Variants in MMD2 observed in about 807,000 individuals in gnomAD.
The protein encoded by MMD2 is monocyte to macrophage differentiation associated 2, also known as monocyte to macrophage differentiation factor 2.
In MMD2, 30 loss-of-function variants were observed where a neutral mutation model predicts 33.5. The observed-to-expected ratio is 0.90, with a 90% CI of 0.67 to 1.22. The LOEUF (loss-of-function observed/expected upper bound fraction) is 1.22, where lower values mean the gene tolerates loss of function less well. Among genes scored for constraint, MMD2 ranks in the 50% most tolerant of loss-of-function variants. The pLI is 0.00. For missense variants in MMD2, 364 were observed against 325.4 expected (o/e 1.12, Z -0.91); for synonymous variants, 129 against 123.0 (o/e 1.05, Z -0.32).
chr7:4,929,725 A>G (rs896966771), intron 1 of MMD2, among the ~76,000 whole-genome samples: 2 of 151,864 alleles, frequency 1.3e-5, no homozygotes, highest in African/African-American at 4.8e-5. Context: ...GGTTTTCACT[A>G]TGTTGGCCAG....
At chr7:4,905,524 G>C (rs1784851498), downstream of MMD2, among the ~76,000 whole-genome samples, 1 of 151,930 alleles carries the variant, frequency 6.6e-6, no homozygotes, top group Non-Finnish European at 1.5e-5. This position sits in a 1 kb window ranked among gnomAD's most constrained non-coding sequence, Gnocchi z 5.0. Context: ...AAGGAAGAAG[G>C]AGTAGTCCCA....
At chr7:4,955,132 C>T (rs2965038) in intron 1 of MMD2, among the ~76,000 whole-genome samples, 109,021 of 152,168 alleles carry the variant, frequency 0.72, 39,391 homozygotes, top group East Asian at 0.89. Flanking sequence ...GCTGGGATTA[C>T]GGGCACGTGC....
rs889304636 is a variant in MMD2, at chr7:4,946,072, C to T, written c.47+12899G>A. On this transcript the variant is annotated intron_variant, in intron 1 of 6. Coordinates refer to ENST00000401401, the MANE Select transcript of MMD2 (RefSeq NM_198403.4). This position sits in a 1 kb window ranked among gnomAD's most constrained non-coding sequence, Gnocchi z 5.0. ...CTCTGGGGCAAAATGCACACACTCA[C>T]ACGCACGCACACGCACGCACACACA... is the stretch of plus-strand genomic sequence containing the variant. Among the ~76,000 whole-genome samples the T allele has an allele frequency of 2.0e-5, 3 of 151,908 alleles. No homozygotes were observed. Among genetic ancestry groups the T allele is most frequent in the African/African-American group, 7.3e-5 (3 of 41,294 alleles).
chr7:4,927,562 C>A (rs990240809), intron 1 of MMD2, among the ~76,000 whole-genome samples: 6 of 151,712 alleles, frequency 4.0e-5, no homozygotes, highest in African/African-American at 1.5e-4. Context: ...TATATATTAG[C>A]CAGGCGTGGT....
chr7:4,921,008 T>C (rs1785269486), intron 2 of MMD2, among the ~76,000 whole-genome samples: 1 of 152,250 alleles, frequency 6.6e-6, no homozygotes, highest in Non-Finnish European at 1.5e-5. Context: ...TGAGCCACCA[T>C]GCCCAGCCTC....
chr7:4,947,011 C>T (rs1282168191), intron 1 of MMD2, among the ~76,000 whole-genome samples: 1 of 152,072 alleles, frequency 6.6e-6, no homozygotes, highest in Admixed American at 6.6e-5. Flanking sequence ...AGTTCAAGAC[C>T]AACGTGGCCA....
chr7:4,926,483 G>A (rs1479700247), intron 1 of MMD2, among the ~76,000 whole-genome samples: 1 of 152,002 alleles, frequency 6.6e-6, no homozygotes, highest in East Asian at 1.9e-4. Context: ...CAGATGCGTA[G>A]ACCCACTAAA....
chr7:4,958,867 T>C (rs1374762609), intron 1 of MMD2, 104 bp downstream of exon 1: 2 of 1,042,424 alleles, frequency 1.9e-6, no homozygotes, highest in Admixed American at 4.3e-5. Context: ...CGATCCCCTC[T>C]AGCGCTCCGG....
chr7:4,905,485 G>A (rs1784850940), downstream of MMD2, among the ~76,000 whole-genome samples: 4 of 149,584 alleles, frequency 2.7e-5, no homozygotes, highest in South Asian at 6.4e-4. The surrounding 1 kb of genome is among the most constrained non-coding windows in gnomAD (Gnocchi z 5.0). Flanking sequence ...AGGGAGGGAA[G>A]GAGTAAGAGG....
At chr7:4,958,133 C>T (rs1353639895) in intron 1 of MMD2, among the ~76,000 whole-genome samples, 1 of 152,192 alleles carries the variant, frequency 6.6e-6, no homozygotes, top group African/African-American at 2.4e-5. Flanking sequence ...CCTGGTGCCC[C>T]CTCCAAAGAG....
intron 1 of MMD2, among the ~76,000 whole-genome samples, chr7:4,934,554 G>C (rs1212318340): frequency 6.6e-6 from 1 of 152,196 alleles, no homozygotes; most frequent in Non-Finnish European, 1.5e-5. Flanking sequence ...CTAAAGGAGG[G>C]AAGTGGCCTT....
At chr7:4,893,625 C>T in the MMD2 span, among the ~76,000 whole-genome samples, 1 of 151,858 alleles carries the variant, frequency 6.6e-6, no homozygotes, top group South Asian at 2.1e-4. Flanking sequence ...CTCCTGACCT[C>T]AGGTGATGTG....
rs1216647644 is a variant in MMD2 at position 4,958,840 on chromosome 7, G to A, written c.47+131C>T. 3.9e-6 allele frequency: 3 copies of A among 764,596 alleles called. No individual in the cohort carries two copies. In the African/African-American group the frequency reaches 5.4e-5, roughly 14 times the overall value. The allele number at this position is 764,596 out of a possible 1,614,324, so 47.4% of individuals were successfully genotyped here. ...TGCCTGGGTCCTGGTTTTCTCGGGC[G>A]GGGGTCAGGGGTCCGCCGATCCCCT... On this transcript the variant is annotated intron_variant, in intron 1 of 6. Coordinates refer to ENST00000401401, the MANE Select transcript of MMD2 (RefSeq NM_198403.4).
chr7:4,926,739 T>TTTTTTTC (rs1033009330), intron 1 of MMD2, among the ~76,000 whole-genome samples: 3 of 152,052 alleles, frequency 2.0e-5, no homozygotes, highest in Admixed American at 2.0e-4. Flanking sequence ...GGTAGTTTTC[T>TTTTTTTC]TTTTTTCTTT....
chr7:4,942,296 T>G, intron 1 of MMD2, among the ~76,000 whole-genome samples: 1 of 151,398 alleles, frequency 6.6e-6, no homozygotes, highest in African/African-American at 2.4e-5. Flanking sequence ...GGGGGGGTCT[T>G]GCCATGTTGC....
intron 1 of MMD2, among the ~76,000 whole-genome samples, chr7:4,937,115 G>A (rs921676070): frequency 6.6e-6 from 1 of 150,916 alleles, no homozygotes; most frequent in Admixed American, 6.6e-5. Context: ...AAATTATTGT[G>A]GGCCGGGCAT....
At position 4,920,316 on chromosome 7, in the gene MMD2, T is replaced by G. The variant is rs1411238586; in HGVS notation, c.145A>C (p.Ser49Arg). 2 of 1,608,672 alleles carry G rather than the reference T, an allele frequency of 1.2e-6. No homozygotes were observed. The highest frequency in any genetic ancestry group is 2.2e-5 in the South Asian group (2 of 89,462). The change falls in exon 3 of 7, where the codon AGC becomes CGC. Residue 49 changes from serine to arginine, a missense_variant. By Grantham distance (110) the Ser-to-Arg change is moderately radical (BLOSUM62 -1). Coordinates refer to ENST00000401401, the MANE Select transcript of MMD2 (RefSeq NM_198403.4). ...TAGAGGTTGGAGCTGCCCAGGATGC[T>G]GGGGATGATCCAGAACTGGAGGGGC... ...CATHAFWIIP[S>R]ILGSSNLYFL...
intron 3 of MMD2, among the ~76,000 whole-genome samples, chr7:4,917,342 C>T (rs9639871): frequency 0.36 from 54,948 of 151,928 alleles, 10,951 homozygotes; most frequent in African/African-American, 0.54. Context: ...ATACCCAGCA[C>T]AGTACATAGT....
At chr7:4,899,965 T>A in the MMD2 span, among the ~76,000 whole-genome samples, 2 of 152,296 alleles carry the variant, frequency 1.3e-5, no homozygotes, top group Non-Finnish European at 2.9e-5. Flanking sequence ...GAGAAAGTTG[T>A]CAGGACAAGC....
Sources: gnomAD v4.1 joint callset for allele counts (sites outside exome capture counted in the v4.1 genomes callset) on GRCh38, gnomAD v4.1.1 for gene constraint, Gnocchi (gnomAD v3.1) non-coding constraint, MANE v1.5 for transcripts, NCBI Gene and HGNC (gene_info 2026-07-23, HGNC 2026-07-21) for gene names.